The following GUCY1A2 variants were observed in gnomAD, a reference collection of about 807,000 sequenced individuals.
GUCY1A2 encodes the protein guanylate cyclase 1 soluble subunit alpha 2.
Under a neutral mutation model 63.5 loss-of-function variants are expected in GUCY1A2, and 27 were observed. The observed-to-expected ratio is 0.43, with a 90% CI of 0.31 to 0.59. The LOEUF is 0.59. Among genes scored for constraint, GUCY1A2 ranks in the 20% least tolerant of loss-of-function variants. The probability of loss-of-function intolerance (pLI) is 0.11; values close to 1 mark genes in which losing one functional copy is unlikely to be tolerated. For synonymous variants in GUCY1A2, 364 were observed against 343.5 expected, an observed-to-expected ratio of 1.06 and a Z score of -0.66; for missense variants, 768 against 913.3, an observed-to-expected ratio of 0.84 and a Z score of 2.05.
At chr11:106,983,194 T>A (rs1415220692) in intron 2 of GUCY1A2, among the ~76,000 whole-genome samples, 7 of 152,194 alleles carry the variant, frequency 4.6e-5, no homozygotes, top group Non-Finnish European at 1.0e-4. Flanking sequence ...CCAGAATGTC[T>A]TGGTGAGAGA....
At chr11:106,707,527 G>A (rs912455189) in intron 7 of GUCY1A2, among the ~76,000 whole-genome samples, 10 of 152,022 alleles carry the variant, frequency 6.6e-5, no homozygotes, top group African/African-American at 2.4e-4. Flanking sequence ...TAAAGCCAAA[G>A]TGTGATAAAG....
chr11:106,821,418 G>A (rs1858901611), intron 4 of GUCY1A2, among the ~76,000 whole-genome samples: 2 of 152,114 alleles, frequency 1.3e-5, no homozygotes, highest in Non-Finnish European at 2.9e-5. Flanking sequence ...TAAAGGCACA[G>A]AACTAAAAGT....
intron 4 of GUCY1A2, among the ~76,000 whole-genome samples, chr11:106,861,636 A>G (rs758736099): frequency 2.0e-5 from 3 of 152,032 alleles, no homozygotes; most frequent in Non-Finnish European, 2.9e-5. Flanking sequence ...GAAGGCAGAG[A>G]TGTGTATAAA....
chr11:106,903,196 C>G (rs1442625251), intron 4 of GUCY1A2, among the ~76,000 whole-genome samples: 1 of 151,968 alleles, frequency 6.6e-6, no homozygotes, highest in Non-Finnish European at 1.5e-5. Flanking sequence ...ATAATTATTA[C>G]ATCTTCTGAA....
At chr11:106,800,133 A>G (rs2135418197) in intron 5 of GUCY1A2, among the ~76,000 whole-genome samples, 1 of 152,378 alleles carries the variant, frequency 6.6e-6, no homozygotes, top group South Asian at 2.1e-4. Flanking sequence ...AGACACATGA[A>G]AAAATGCTTA....
chr11:106,690,406 C>A (rs2135335306), intron 7 of GUCY1A2, among the ~76,000 whole-genome samples: 1 of 152,224 alleles, frequency 6.6e-6, no homozygotes, highest in South Asian at 2.1e-4. Flanking sequence ...TTATCATTAG[C>A]AAACTAATGC....
chr11:106,854,628 G>C (rs1859402366), intron 4 of GUCY1A2, among the ~76,000 whole-genome samples: 1 of 152,182 alleles, frequency 6.6e-6, no homozygotes, highest in Non-Finnish European at 1.5e-5. Context: ...GGCGATCAGG[G>C]CAGGCCTGCC....
At chr11:106,759,368 A>AGAC (rs1182698243) in intron 6 of GUCY1A2, among the ~76,000 whole-genome samples, 1 of 152,166 alleles carries the variant, frequency 6.6e-6, no homozygotes, top group Non-Finnish European at 1.5e-5. Flanking sequence ...GTATGATGGA[A>AGAC]GACAAGAATA....
rs577649700 is a variant in GUCY1A2, at chr11:106,981,878, T to C, written c.366-3138A>G. On this transcript the variant is annotated intron_variant, in intron 2 of 7. Transcript: ENST00000526355. The stretch of plus-strand genomic sequence containing the variant: ...AAGGCCCAAGGAAGACAGGAAAAGG[T>C]TGCAGCAGGAGGATAAACTGAAGAC... Among the ~76,000 whole-genome samples the C allele has an allele frequency of 1.6e-4, 25 of 152,260 alleles. 1 individual carries two copies. The highest frequency in any genetic ancestry group is 2.4e-4 in the African/African-American group (10 of 41,534).
chr11:106,786,515 C>A (rs1364349750), intron 5 of GUCY1A2, among the ~76,000 whole-genome samples: 1 of 152,198 alleles, frequency 6.6e-6, no homozygotes, highest in Non-Finnish European at 1.5e-5. Flanking sequence ...TTTCAATGTG[C>A]ATTCCAATTC....
intron 1 of GUCY1A2, among the ~76,000 whole-genome samples, chr11:107,015,604 A>C (rs1474381067): frequency 7.7e-6 from 1 of 130,662 alleles, no homozygotes; most frequent in Non-Finnish European, 1.6e-5. Flanking sequence ...AAAAACCTCC[A>C]AGGTTATATC....
At chr11:106,847,378 T>C (rs964261361) in intron 4 of GUCY1A2, among the ~76,000 whole-genome samples, 2 of 151,426 alleles carry the variant, frequency 1.3e-5, no homozygotes, top group Non-Finnish European at 3.0e-5. Flanking sequence ...ATACCTTTGC[T>C]GTAAGATAGT....
chr11:106,980,934 A>G (rs1316161608), intron 2 of GUCY1A2, among the ~76,000 whole-genome samples: 1 of 152,222 alleles, frequency 6.6e-6, no homozygotes, highest in Non-Finnish European at 1.5e-5. Flanking sequence ...GACCTTAAAA[A>G]AGTACTTTTT....
chr11:106,882,546 T>C (rs1263678516), intron 4 of GUCY1A2, among the ~76,000 whole-genome samples: 2 of 151,976 alleles, frequency 1.3e-5, no homozygotes, highest in African/African-American at 4.8e-5. Context: ...AGATAAAACA[T>C]GTATTAGAAG....
At chr11:106,691,384 C>T (rs1319716089) in intron 7 of GUCY1A2, among the ~76,000 whole-genome samples, 1 of 152,202 alleles carries the variant, frequency 6.6e-6, no homozygotes, top group Non-Finnish European at 1.5e-5. Context: ...ATAGTTCAGT[C>T]TTTCCACAAA....
At chr11:106,913,530 C>G (rs965882780) in intron 4 of GUCY1A2, among the ~76,000 whole-genome samples, 2 of 152,080 alleles carry the variant, frequency 1.3e-5, no homozygotes, top group Non-Finnish European at 1.5e-5. Flanking sequence ...GATCCAACGC[C>G]AGGACCCAAA....
intron 6 of GUCY1A2, among the ~76,000 whole-genome samples, chr11:106,756,809 C>T (rs1863982316): frequency 6.6e-6 from 1 of 152,148 alleles, no homozygotes; most frequent in Non-Finnish European, 1.5e-5. Flanking sequence ...CATGGTGAAT[C>T]TGACGATTAT....
At chr11:106,689,749 G>A (rs932174747) in intron 7 of GUCY1A2, among the ~76,000 whole-genome samples, 2 of 152,074 alleles carry the variant, frequency 1.3e-5, no homozygotes, top group African/African-American at 4.8e-5. Flanking sequence ...CCAGCACTTT[G>A]GGAGGCTCAC....
At chr11:106,777,933 T>C (rs1345806708) in intron 5 of GUCY1A2, among the ~76,000 whole-genome samples, 1 of 152,178 alleles carries the variant, frequency 6.6e-6, no homozygotes, top group African/African-American at 2.4e-5. Flanking sequence ...ACAGCTACCG[T>C]AGGGGTCTTT....
Sources: gnomAD v4.1 joint callset for allele counts (sites outside exome capture counted in the v4.1 genomes callset) on GRCh38, gnomAD v4.1.1 for gene constraint, MANE v1.5 for transcripts, NCBI Gene and HGNC (gene_info 2026-07-23, HGNC 2026-07-21) for gene names.